CPXM2: variants seen among roughly 807,000 people sequenced by gnomAD.
CPXM2 encodes the protein inactive carboxypeptidase-like protein X2.
CPXM2 carries 66 observed loss-of-function variants against 86.1 expected under a neutral mutation model. The ratio of observed to expected loss-of-function variants is 0.77; its 90% confidence interval spans 0.63 to 0.94. The LOEUF is 0.94. Ranked by LOEUF, CPXM2 falls within the 40% of genes least tolerant of loss-of-function variation. The probability of loss-of-function intolerance (pLI) is 0.00; values close to 1 mark genes in which losing one functional copy is unlikely to be tolerated. For missense variants in CPXM2, 948 were observed against 1,026.3 expected, an observed-to-expected ratio of 0.92 and a Z score of 1.04; for synonymous variants, 388 against 400.2, an observed-to-expected ratio of 0.97 and a Z score of 0.36.
At chr10:123,790,992 T>C (rs920867590) in intron 6 of CPXM2, among the ~76,000 whole-genome samples, 3 of 152,104 alleles carry the variant, frequency 2.0e-5, no homozygotes, top group Admixed American at 2.0e-4. Context: ...GAATGGAAGG[T>C]ACGGTGGGAG....
chr10:123,938,453 T>A (rs1309870934), intron 2 of CPXM2, among the ~76,000 whole-genome samples: 1 of 152,194 alleles, frequency 6.6e-6, no homozygotes, highest in East Asian at 1.9e-4. Flanking sequence ...GCATGTCTGT[T>A]CCCTAAGAGA....
chr10:123,790,089 A>G lies in CPXM2; in HGVS notation c.889+7887T>C, dbSNP rs140267548. On this transcript the variant is annotated intron_variant, in intron 6 of 13. Coordinates refer to ENST00000241305, the MANE Select transcript of CPXM2 (RefSeq NM_198148.3). Reference sequence around the variant, plus strand: ...GCCAAGATCGCACCACTGCACTCCAACCTGGGTGGACAGAGCAAGACTCCA... The same window carrying G: ...GCCAAGATCGCACCACTGCACTCCAGCCTGGGTGGACAGAGCAAGACTCCA... Among the ~76,000 whole-genome samples, 834 of 152,088 alleles carry G rather than the reference A, an allele frequency of 5.5e-3. 8 individuals are homozygous for G. The highest frequency in any genetic ancestry group is 0.019 in the African/African-American group (768 of 41,482).
rs1482939270 is a variant in CPXM2 at position 123,915,543 on chromosome 10, G to C, written n.174+23934C>G. On this transcript the variant is annotated intron_variant and non_coding_transcript_variant, in intron 2 of 19. Transcript: ENST00000368854. Reference sequence around the variant, plus strand: ...ACTGCAGTACAGCCTGGGCAACAGAGCGAGATTGTCAAAAAAAATAAAAAT... The same window carrying C: ...ACTGCAGTACAGCCTGGGCAACAGACCGAGATTGTCAAAAAAAATAAAAAT... Among the ~76,000 whole-genome samples the C allele has an allele frequency of 2.7e-5, 4 of 149,086 alleles. 1 individual carries two copies. The highest frequency in any genetic ancestry group is 9.8e-5 in the African/African-American group (4 of 40,662).
At chr10:123,832,275 G>A (rs371474882) in intron 4 of CPXM2, among the ~76,000 whole-genome samples, 191 of 152,248 alleles carry the variant, frequency 1.3e-3, no homozygotes, top group African/African-American at 4.5e-3. Flanking sequence ...GCCATGCAAT[G>A]GCCCCAGCCC....
chr10:123,761,557 A>C (rs1471740211), intron 11 of CPXM2, among the ~76,000 whole-genome samples: 1 of 152,078 alleles, frequency 6.6e-6, no homozygotes, highest in Non-Finnish European at 1.5e-5. Context: ...ACCCTATCAA[A>C]TCTGAATAGC....
chr10:123,914,739 T>A (rs571523938), intron 2 of CPXM2, among the ~76,000 whole-genome samples: 187 of 152,210 alleles, frequency 1.2e-3, no homozygotes, highest in Non-Finnish European at 1.9e-3. Flanking sequence ...CTTCCCTGAT[T>A]CCCCAAGATT....
chr10:123,806,841 T>C (rs1836028337), intron 4 of CPXM2, among the ~76,000 whole-genome samples: 1 of 152,072 alleles, frequency 6.6e-6, no homozygotes, highest in African/African-American at 2.4e-5. Context: ...ACTGCCCCCA[T>C]GATCCGGTCA....
At chr10:123,817,191 G>A (rs1385444660) in intron 4 of CPXM2, among the ~76,000 whole-genome samples, 1 of 152,190 alleles carries the variant, frequency 6.6e-6, no homozygotes, top group African/African-American at 2.4e-5. Flanking sequence ...CCAAAAGGCT[G>A]CCATTTTTTA....
intron 6 of CPXM2, among the ~76,000 whole-genome samples, chr10:123,781,416 C>A (rs562250630): frequency 2.0e-4 from 31 of 152,276 alleles, no homozygotes; most frequent in African/African-American, 7.2e-4. Context: ...TGGGAAGAGA[C>A]CACTCCATCT....
At chr10:123,880,145 T>TGGGCCCCCCCCCCCCCCCCCC in intron 2 of CPXM2, 66 bp downstream of exon 2, 1 of 407,580 alleles carries the variant, frequency 2.5e-6, no homozygotes, top group Non-Finnish European at 4.8e-6. Context: ...CAGGGGCCTG[T>TGGGCCCCCCCCCCCCCCCCCC]ACCCACCCAC....
intron 1 of CPXM2, among the ~76,000 whole-genome samples, chr10:123,883,583 C>T (rs901756427): frequency 6.6e-6 from 1 of 152,244 alleles, no homozygotes; most frequent in Non-Finnish European, 1.5e-5. Context: ...AAAGCTATTC[C>T]AGTTGCTGGA....
intron 2 of CPXM2, among the ~76,000 whole-genome samples, chr10:123,873,793 T>C (rs1302187114): frequency 6.6e-6 from 1 of 152,100 alleles, no homozygotes; most frequent in Non-Finnish European, 1.5e-5. Context: ...ACTTAGTACT[T>C]GTCTTAGTCT....
chr10:123,759,532 T>C (rs1846286808), intron 11 of CPXM2, among the ~76,000 whole-genome samples: 1 of 152,150 alleles, frequency 6.6e-6, no homozygotes, highest in South Asian at 2.1e-4. Flanking sequence ...TTGCTGAGAA[T>C]ACGTGGCCAG....
intron 2 of CPXM2, among the ~76,000 whole-genome samples, chr10:123,923,381 C>A (rs966415142): frequency 1.3e-5 from 2 of 149,734 alleles, no homozygotes; most frequent in African/African-American, 2.5e-5. Context: ...GAGATCGAGA[C>A]CATCCTGGCT....
intron 4 of CPXM2, among the ~76,000 whole-genome samples, chr10:123,829,522 T>C (rs927507358): frequency 7.9e-5 from 12 of 151,804 alleles, no homozygotes; most frequent in Non-Finnish European, 1.8e-4. Flanking sequence ...TAAAAAGAAA[T>C]ATCTGAACAA....
intron 4 of CPXM2, among the ~76,000 whole-genome samples, chr10:123,822,901 G>C (rs1199443114): frequency 6.6e-6 from 1 of 152,002 alleles, no homozygotes; most frequent in African/African-American, 2.4e-5. Context: ...CAGATATGGG[G>C]TTTCTTTTTG....
At chr10:123,878,292 CTCTCTTTTTT>C (rs1373732535) in intron 2 of CPXM2, among the ~76,000 whole-genome samples, 4 of 121,800 alleles carry the variant, frequency 3.3e-5, no homozygotes, top group African/African-American at 1.3e-4. Flanking sequence ...CCCTTTTTTT[CTCTCTTTTTT>C]TTTTTTTTTT....
chr10:123,751,950 T>C (rs995859358), intron 13 of CPXM2: 1 of 985,336 alleles, frequency 1.0e-6, no homozygotes, highest in Non-Finnish European at 1.2e-6. Flanking sequence ...TCAGCACCCA[T>C]TAGGCAAAGT....
intron 6 of CPXM2, among the ~76,000 whole-genome samples, chr10:123,796,688 G>C (rs1258692585): frequency 2.0e-5 from 3 of 152,220 alleles, no homozygotes; most frequent in African/African-American, 4.8e-5. Flanking sequence ...AGTTCATGAA[G>C]AGGGGGTTAC....
Sources: allele counts gnomAD v4.1 joint callset (sites outside exome capture counted in the v4.1 genomes callset), GRCh38; gene constraint gnomAD v4.1.1; transcripts MANE v1.5; gene names NCBI Gene and HGNC (gene_info 2026-07-23, HGNC 2026-07-21).